Variants in EML6 observed in about 807,000 individuals in gnomAD.
The protein encoded by EML6 is EMAP like 6.
In EML6, 154 loss-of-function variants were observed where a neutral mutation model predicts 240.1. The ratio of observed to expected loss-of-function variants is 0.64; its 90% CI spans 0.56 to 0.73. EML6 has a LOEUF of 0.73. Ranked by LOEUF, EML6 falls within the 30% of genes least tolerant of loss-of-function variation. The pLI is 0.00. For synonymous variants in EML6, 1,148 were observed against 899.0 expected, an observed-to-expected ratio of 1.28 and a Z score of -4.95; for missense variants, 2,964 against 2,474.6, an observed-to-expected ratio of 1.20 and a Z score of -4.20.
At chr2:54,821,247 G>A (rs1032824956) in intron 5 of EML6, among the ~76,000 whole-genome samples, 4 of 152,118 alleles carry the variant, frequency 2.6e-5, no homozygotes, top group African/African-American at 9.7e-5. Context: ...CTATTTTGCA[G>A]TTCTTTTAGT....
At position 54,959,092 on chromosome 2, in the gene EML6, T is replaced by C. The variant is rs12623902; in HGVS notation, c.4696-12T>C. The C allele has an allele frequency of 0.67, 1,030,327 of 1,545,170 alleles. 352,658 individuals are homozygous for C. The highest frequency in any genetic ancestry group is 0.71 in the Non-Finnish European group (810,292 of 1,143,818). Reference sequence around the variant, plus strand: ...TGTGTTCCGGGTGTAGAAGATGTTGTTTTGTTTACAGAACAATCTCACTTT... The same window carrying C: ...TGTGTTCCGGGTGTAGAAGATGTTGCTTTGTTTACAGAACAATCTCACTTT... On this transcript the variant is annotated splice_polypyrimidine_tract_variant and intron_variant, in intron 33 of 41. Transcript: ENST00000356458.
Position 54,928,653 on chromosome 2 carries a change from G to T in EML6, c.3906G>T (p.Lys1302Asn). Residue 1302 changes from lysine (K) to asparagine (N), a missense_variant, in exon 28 of 42, where the codon AAG becomes AAT. By Grantham distance (94) the Lys-to-Asn change is moderately conservative (BLOSUM62 0). Coordinates refer to ENST00000356458, the MANE Select transcript of EML6 (RefSeq NM_001039753.4). ...ATGACAGCGATGTTGCTAGAGAAAA[G>T]GCCATTGACTACACCACCAAGATTT... ...GGYDSDVARE[K>N]AIDYTTKIYA... The T allele has an allele frequency of 6.4e-7, 1 of 1,552,138 alleles. No homozygotes were observed.
chr2:54,970,063 C>T lies in EML6; in HGVS notation c.5853-8C>T, dbSNP rs893464723. On this transcript the variant is annotated splice_region_variant and splice_polypyrimidine_tract_variant and intron_variant, in intron 41 of 41. Transcript: ENST00000356458. ...TATGCAAAATGACTGTTTGATCTGC[C>T]TTTTCAGTGTATTTGTGTGGCGATG... 6.4e-7 allele frequency: 1 copy of T among 1,551,648 alleles called. No individual in the cohort carries two copies. Among genetic ancestry groups the T allele is most frequent in the Non-Finnish European group, 8.7e-7 (1 of 1,146,948 alleles).
chr2:54,939,968 G>C (rs1409306182), intron 28 of EML6, among the ~76,000 whole-genome samples: 3 of 152,232 alleles, frequency 2.0e-5, no homozygotes, highest in Non-Finnish European at 4.4e-5. Context: ...GATTATAAAG[G>C]AGGAATCTGT....
intron 5 of EML6, among the ~76,000 whole-genome samples, chr2:54,825,140 A>G (rs190169855): frequency 6.6e-6 from 1 of 152,318 alleles, no homozygotes; most frequent in Admixed American, 6.5e-5. Flanking sequence ...AAATATTCAG[A>G]TAACTCAGAC....
intron 5 of EML6, among the ~76,000 whole-genome samples, chr2:54,823,720 C>T (rs1057435838): frequency 6.6e-5 from 10 of 152,104 alleles, no homozygotes; most frequent in African/African-American, 2.4e-4. Flanking sequence ...ATCCTGTACT[C>T]AGTGGTGAAG....
chr2:54,895,331 C>G lies in EML6; in HGVS notation c.2913C>G (p.Ile971Met). The G allele has an allele frequency of 6.4e-7, 1 of 1,551,886 alleles. No homozygotes were observed. Among genetic ancestry groups the G allele is most frequent in the South Asian group, 1.2e-5 (1 of 84,048 alleles). The part of the protein sequence containing the change: ...IRAITLGHGH[I>M]LVGTKNGEIL... ...CCATCACTTTGGGACATGGACATAT[C>G]CTGGTGGGAACAAAAAATGGAGAGA... Residue 971 changes from isoleucine to methionine, a missense_variant, in exon 21 of 42, where the codon ATC becomes ATG. By Grantham distance (10) the Ile-to-Met change is conservative. Transcript: ENST00000356458.
At chr2:54,962,845 C>T (rs1016283724) in intron 36 of EML6, 134 bp downstream of exon 36, 2 of 610,802 alleles carry the variant, frequency 3.3e-6, no homozygotes, top group Middle Eastern at 4.4e-4. Context: ...GTTAGAAAAC[C>T]TAACGATAAA....
At chr2:54,844,699 T>C (rs1669655033) in intron 8 of EML6, among the ~76,000 whole-genome samples, 1 of 152,250 alleles carries the variant, frequency 6.6e-6, no homozygotes, top group African/African-American at 2.4e-5. Context: ...ATTATTTCTT[T>C]TTAAAGTCTC....
chr2:54,787,903 C>T (rs1377815439), intron 2 of EML6, among the ~76,000 whole-genome samples: 1 of 152,078 alleles, frequency 6.6e-6, no homozygotes, highest in East Asian at 1.9e-4. Flanking sequence ...TTGTACACAC[C>T]CCGTCCCCCG....
intron 2 of EML6, among the ~76,000 whole-genome samples, chr2:54,800,358 T>C (rs1385896216): frequency 6.6e-6 from 1 of 152,144 alleles, no homozygotes; most frequent in Non-Finnish European, 1.5e-5. Flanking sequence ...TGGAAGGTGA[T>C]CCTCAAATGA....
intron 19 of EML6, among the ~76,000 whole-genome samples, chr2:54,894,686 G>T (rs1429296817): frequency 6.6e-6 from 1 of 152,188 alleles, no homozygotes; most frequent in Non-Finnish European, 1.5e-5. Flanking sequence ...TCTGAGGAGA[G>T]TGCAGTGGAC....
rs974342935 is a variant in EML6 at position 54,869,426 on chromosome 2, G to C, written c.2238+59G>C. 15 of 1,291,276 alleles carry C rather than the reference G, an allele frequency of 1.2e-5. No individual in the cohort carries two copies. The South Asian group carries it at 1.6e-4, about 14-fold the overall frequency. 80.0% of individuals were successfully genotyped at this position (1,291,276 alleles called of 1,614,324 possible). ...AAAGAGAATTTAATTTTTGAATTCA[G>C]TTTACATATTAGAAATTCAAGAAAT... On this transcript the variant is annotated intron_variant, in intron 15 of 41. Coordinates refer to ENST00000356458, the MANE Select transcript of EML6 (RefSeq NM_001039753.4).
At chr2:54,853,582 T>TA (rs1573006176) in intron 10 of EML6, 61 bp from the exon 11 acceptor site, 2 of 1,076,902 alleles carry the variant, frequency 1.9e-6, no homozygotes, top group South Asian at 2.1e-5. Context: ...CAGATCTTTA[T>TA]AAAAAATAAA....
At chr2:54,913,887 T>C (rs964857530) in intron 25 of EML6, among the ~76,000 whole-genome samples, 3 of 152,226 alleles carry the variant, frequency 2.0e-5, no homozygotes, top group South Asian at 2.1e-4. Flanking sequence ...GCTAGCCAGT[T>C]ATCCCAGCAC....
At chr2:54,811,574 T>A (rs1278721859) in intron 2 of EML6, among the ~76,000 whole-genome samples, 1 of 148,090 alleles carries the variant, frequency 6.8e-6, no homozygotes, top group Non-Finnish European at 1.5e-5. Context: ...CCTTCAAAGA[T>A]AGCAGTGTGA....
chr2:54,861,211 A>C (rs1180269112), intron 12 of EML6, among the ~76,000 whole-genome samples: 1 of 152,164 alleles, frequency 6.6e-6, no homozygotes, highest in Non-Finnish European at 1.5e-5. Context: ...CCAGTGATAA[A>C]TCTAAGCCTA....
intron 2 of EML6, among the ~76,000 whole-genome samples, chr2:54,733,987 C>A (rs998584495): frequency 1.1e-4 from 16 of 152,132 alleles, no homozygotes; most frequent in South Asian, 4.2e-4. Context: ...ATGAGAAATA[C>A]TGAGTTGAGG....
chr2:54,970,524 G>C lies in EML6; in HGVS notation c.*429G>C, dbSNP rs577750219. ...CAAGAATGTTCATTTTTACAAATAA[G>C]TTGAACAAGACAGCCTAAGTTAGAT... On this transcript the variant is annotated 3_prime_UTR_variant, in exon 42 of 42. Coordinates refer to ENST00000356458, the MANE Select transcript of EML6 (RefSeq NM_001039753.4). 21 of 173,886 alleles carry C rather than the reference G, an allele frequency of 1.2e-4. No individual in the cohort carries two copies. Among genetic ancestry groups the C allele is most frequent in the African/African-American group, 4.5e-4 (19 of 42,510 alleles). 10.8% of individuals were successfully genotyped at this position (173,886 alleles called of 1,614,324 possible). A position where few individuals can be genotyped will look rare whatever the true frequency, so the allele number is the denominator to read the frequency against.
Sources: allele counts gnomAD v4.1 joint callset (sites outside exome capture counted in the v4.1 genomes callset), GRCh38; gene constraint gnomAD v4.1.1; transcripts MANE v1.5; gene names NCBI Gene and HGNC (gene_info 2026-07-23, HGNC 2026-07-21).